MAP2K1: variants seen among roughly 807,000 people sequenced by gnomAD.
The protein encoded by MAP2K1 is mitogen-activated protein kinase kinase 1.
A neutral mutation model predicts 46.3 loss-of-function variants in MAP2K1; 16 were observed. The observed-to-expected ratio is 0.35, with a 90% CI of 0.23 to 0.52. MAP2K1 has a LOEUF of 0.52. MAP2K1 is among the 20% of genes least tolerant of loss of function. MAP2K1 has a pLI of 0.94. For missense variants in MAP2K1, 263 were observed against 497.1 expected, an observed-to-expected ratio of 0.53 and a Z score of 4.48; for synonymous variants, 183 against 185.6, an observed-to-expected ratio of 0.99 and a Z score of 0.11.
chr15:66,444,984 C>G (rs1271334357), intron 5 of MAP2K1: 5 of 471,878 alleles, frequency 1.1e-5, no homozygotes, highest in Non-Finnish European at 1.9e-5. Flanking sequence ...GTTACCCAGT[C>G]TCCGGTGTCA....
chr15:66,479,144 TG>T (rs1384868669), intron 5 of MAP2K1, among the ~76,000 whole-genome samples: 7 of 152,118 alleles, frequency 4.6e-5, no homozygotes, highest in Admixed American at 1.3e-4. Flanking sequence ...TCACCCAGGC[TG>T]GGGTGCAGTG....
At chr15:66,482,107 G>T (rs1468791770) in intron 6 of MAP2K1, among the ~76,000 whole-genome samples, 1 of 152,106 alleles carries the variant, frequency 6.6e-6, no homozygotes, top group African/African-American at 2.4e-5. Context: ...TCACTGAAAG[G>T]ACTGTCCAGC....
At chr15:66,435,961 T>A (rs2093486976) in intron 2 of MAP2K1, among the ~76,000 whole-genome samples, 1 of 152,236 alleles carries the variant, frequency 6.6e-6, no homozygotes, top group South Asian at 2.1e-4. Flanking sequence ...AGAGCTGGAC[T>A]TCCCTTTCCT....
intron 1 of MAP2K1, among the ~76,000 whole-genome samples, chr15:66,413,068 G>A (rs1027351915): frequency 6.6e-5 from 10 of 151,928 alleles, no homozygotes; most frequent in African/African-American, 2.4e-4. Flanking sequence ...GCTAATTTTT[G>A]TATTTTTAGT....
intron 1 of MAP2K1, among the ~76,000 whole-genome samples, chr15:66,429,675 C>CCG (rs2093469774): frequency 2.1e-4 from 11 of 53,584 alleles, no homozygotes; most frequent in South Asian, 8.8e-4. Flanking sequence ...CCCCCCCCCC[C>CCG]CCCGTCCCCC....
chr15:66,432,958 C>CTGTGTGTGTGTGTG (rs1430276423), intron 1 of MAP2K1, among the ~76,000 whole-genome samples: 2 of 37,484 alleles, frequency 5.3e-5, no homozygotes, highest in Non-Finnish European at 7.1e-5. Context: ...CCATCATGCA[C>CTGTGTGTGTGTGTG]AGTGTGTGTG....
chr15:66,489,746 G>T lies in MAP2K1; in HGVS notation c.1051G>T (p.Asp351Tyr), dbSNP rs373210982. 6.2e-7 allele frequency: 1 copy of T among 1,613,798 alleles called. No individual in the cohort carries two copies. The highest frequency in any genetic ancestry group is 1.3e-5 in the African/African-American group (1 of 74,928). ...AATAAAAAACCCCGCAGAGAGAGCA[G>T]ATTTGAAGCAACTCATGGTGAGTCT... The part of the protein sequence containing the change: ...CLIKNPAERA[D>Y]LKQLMVHAFI... Residue 351 changes from aspartate (D) to tyrosine (Y), a missense_variant, in exon 10 of 11, where the codon GAT (aspartate) becomes TAT (tyrosine). Transcript: ENST00000307102.
At chr15:66,465,760 C>T (rs1892449668) in intron 5 of MAP2K1, among the ~76,000 whole-genome samples, 1 of 152,128 alleles carries the variant, frequency 6.6e-6, no homozygotes, top group South Asian at 2.1e-4. Flanking sequence ...CTCCACTTTC[C>T]TGTTTTTACT....
chr15:66,441,932 A>G (rs761914619), intron 3 of MAP2K1, among the ~76,000 whole-genome samples: 1 of 152,184 alleles, frequency 6.6e-6, no homozygotes, highest in Non-Finnish European at 1.5e-5. Context: ...ACCTGAAGCC[A>G]TAGGGGAACT....
At chr15:66,428,436 G>A (rs1279276208) in intron 1 of MAP2K1, among the ~76,000 whole-genome samples, 1 of 152,022 alleles carries the variant, frequency 6.6e-6, no homozygotes, top group Non-Finnish European at 1.5e-5. Context: ...CCAGGGTAGG[G>A]TTGCATGCGG....
chr15:66,428,236 G>A (rs2093464642), intron 1 of MAP2K1, among the ~76,000 whole-genome samples: 1 of 149,460 alleles, frequency 6.7e-6, no homozygotes, highest in Non-Finnish European at 1.5e-5. Flanking sequence ...CCTATATTAG[G>A]GTTCACCAGA....
chr15:66,393,202 G>T lies in MAP2K1; in HGVS notation c.80+5775G>T, dbSNP rs1376992406. Among the ~76,000 whole-genome samples, 4 of 148,550 alleles carry T rather than the reference G, an allele frequency of 2.7e-5. No homozygotes were observed. In the East Asian group the frequency reaches 7.9e-4, roughly 29 times the overall value. ...TCTCTCTTTTTTTTTTTTTGAGACC[G>T]AGTCTCACTCTGTTGCCCAGGCTGG... On this transcript the variant is annotated intron_variant, in intron 1 of 10. Coordinates refer to ENST00000307102, the MANE Select transcript of MAP2K1 (RefSeq NM_002755.4).
At chr15:66,402,130 A>G (rs941423275) in intron 1 of MAP2K1, among the ~76,000 whole-genome samples, 3 of 152,192 alleles carry the variant, frequency 2.0e-5, no homozygotes, top group African/African-American at 4.8e-5. Context: ...AAGAAAAAAT[A>G]TTTCATTTTT....
chr15:66,449,587 A>G (rs912849266), intron 5 of MAP2K1, among the ~76,000 whole-genome samples: 6 of 152,232 alleles, frequency 3.9e-5, no homozygotes, highest in African/African-American at 9.6e-5. Context: ...TACACTTAAA[A>G]TGGTAACTGT....
intron 1 of MAP2K1, among the ~76,000 whole-genome samples, chr15:66,420,839 ATGTG>A (rs376671916): frequency 3.2e-5 from 3 of 92,476 alleles, no homozygotes; most frequent in Non-Finnish European, 7.1e-5. Flanking sequence ...GTGTATATAT[ATGTG>A]TGTATATATA....
At chr15:66,429,669 C>T (rs866791777) in intron 1 of MAP2K1, among the ~76,000 whole-genome samples, 1 of 34,730 alleles carries the variant, frequency 2.9e-5, no homozygotes, top group Non-Finnish European at 6.8e-5. Context: ...GCGGCGCCCC[C>T]CCCCCCCCCG....
At chr15:66,434,148 A>G (rs1159680396) in intron 1 of MAP2K1, among the ~76,000 whole-genome samples, 2 of 152,186 alleles carry the variant, frequency 1.3e-5, no homozygotes, top group African/African-American at 2.4e-5. Context: ...TTTTTCCCCT[A>G]TGAACACTAG....
chr15:66,490,347 GCAGCTGGC>G, intron 10 of MAP2K1, 147 bp from the exon 11 acceptor site: 1 of 731,006 alleles, frequency 1.4e-6, no homozygotes, highest in Non-Finnish European at 2.5e-6. Context: ...CTTTGGGCCT[GCAGCTGGC>G]CCCACTGTTG....
intron 1 of MAP2K1, among the ~76,000 whole-genome samples, chr15:66,424,338 A>G (rs2093451603): frequency 6.6e-6 from 1 of 152,146 alleles, no homozygotes; most frequent in Admixed American, 6.5e-5. Flanking sequence ...GATTACAGGC[A>G]TGAGCCACCG....
Sources: allele counts gnomAD v4.1 joint callset (sites outside exome capture counted in the v4.1 genomes callset), GRCh38; gene constraint gnomAD v4.1.1; transcripts MANE v1.5; gene names NCBI Gene and HGNC (gene_info 2026-07-23, HGNC 2026-07-21).